GALNT13: variants seen among roughly 807,000 people sequenced by gnomAD.
The protein encoded by GALNT13 is polypeptide N-acetylgalactosaminyltransferase 13.
A neutral mutation model predicts 64.2 loss-of-function variants in GALNT13; 28 were observed. The observed-to-expected ratio is 0.44, with a 90% CI of 0.32 to 0.60. The LOEUF (loss-of-function observed/expected upper bound fraction) is 0.60. Among genes scored for constraint, GALNT13 ranks in the 20% least tolerant of loss-of-function variants. The pLI is 0.05. For synonymous variants in GALNT13, 214 were observed against 224.6 expected (o/e 0.95, Z 0.42); for missense variants, 577 against 669.8 (o/e 0.86, Z 1.53).
chr2:153,722,423 C>G, the GALNT13 span, among the ~76,000 whole-genome samples: 2 of 141,662 alleles, frequency 1.4e-5, no homozygotes, highest in African/African-American at 5.8e-5. Context: ...CAAACACATT[C>G]AAAAGCTAGC....
At chr2:154,219,835 C>G (rs570966850) in intron 4 of GALNT13, among the ~76,000 whole-genome samples, 1 of 152,196 alleles carries the variant, frequency 6.6e-6, no homozygotes, top group South Asian at 2.1e-4. Flanking sequence ...TTATGATTTG[C>G]AGAAGCTTTA....
the GALNT13 span, among the ~76,000 whole-genome samples, chr2:153,428,024 T>C: frequency 1.2e-4 from 18 of 152,314 alleles, no homozygotes; most frequent in East Asian, 3.5e-3. Flanking sequence ...AAGATGATTT[T>C]TGGAATTATC....
At chr2:154,181,119 A>G (rs559267386) in intron 4 of GALNT13, among the ~76,000 whole-genome samples, 3 of 152,254 alleles carry the variant, frequency 2.0e-5, no homozygotes, top group Admixed American at 6.5e-5. Flanking sequence ...CCTAGAACCA[A>G]TTTCCCATTG....
chr2:153,237,627 C>T, the GALNT13 span, among the ~76,000 whole-genome samples: 1 of 151,952 alleles, frequency 6.6e-6, no homozygotes, highest in Non-Finnish European at 1.5e-5. Flanking sequence ...ATGACCTCCA[C>T]TTCCATCCAT....
intron 3 of GALNT13, among the ~76,000 whole-genome samples, chr2:154,002,746 G>A (rs558949421): frequency 6.6e-6 from 1 of 152,186 alleles, no homozygotes; most frequent in South Asian, 2.1e-4. Context: ...TGCTGAAATA[G>A]CCACCTCTTC....
chr2:153,365,720 C>T, the GALNT13 span, among the ~76,000 whole-genome samples: 1 of 152,026 alleles, frequency 6.6e-6, no homozygotes, highest in South Asian at 2.1e-4. Flanking sequence ...GTCAGAATGG[C>T]AATTATTAAA....
the GALNT13 span, among the ~76,000 whole-genome samples, chr2:153,543,974 G>A: frequency 6.6e-6 from 1 of 152,122 alleles, no homozygotes; most frequent in Non-Finnish European, 1.5e-5. Context: ...GGCTGCAGCA[G>A]TGCTCCTACC....
the GALNT13 span, among the ~76,000 whole-genome samples, chr2:153,808,606 C>T: frequency 1.3e-5 from 2 of 152,102 alleles, no homozygotes; most frequent in African/African-American, 2.4e-5. Flanking sequence ...TAATACTTAG[C>T]TTCTCAGAAA....
intron 1 of GALNT13, among the ~76,000 whole-genome samples, chr2:153,878,348 G>T (rs2105229863): frequency 6.6e-6 from 1 of 152,178 alleles, no homozygotes; most frequent in South Asian, 2.1e-4. Flanking sequence ...GTGCTTGGAT[G>T]CCCATCTTAC....
the GALNT13 span, among the ~76,000 whole-genome samples, chr2:153,365,823 A>T: frequency 6.6e-6 from 1 of 152,188 alleles, no homozygotes; most frequent in East Asian, 1.9e-4. Flanking sequence ...CCATTGTGGA[A>T]GACAGTGTGG....
the GALNT13 span, among the ~76,000 whole-genome samples, chr2:153,580,576 C>T: frequency 6.6e-6 from 1 of 151,922 alleles, no homozygotes; most frequent in East Asian, 1.9e-4. Context: ...GGAGAGAGGA[C>T]AGAAGAGAAT....
At chr2:153,437,274 G>C in the GALNT13 span, among the ~76,000 whole-genome samples, 2 of 152,110 alleles carry the variant, frequency 1.3e-5, no homozygotes, top group African/African-American at 4.8e-5. Context: ...AATAGGTGTG[G>C]TGTGGTGCTG....
the GALNT13 span, among the ~76,000 whole-genome samples, chr2:153,183,256 T>G: frequency 1.3e-5 from 2 of 152,246 alleles, no homozygotes; most frequent in Non-Finnish European, 2.9e-5. Flanking sequence ...GTCATATGTT[T>G]GTTAACCACG....
the GALNT13 span, among the ~76,000 whole-genome samples, chr2:153,663,079 GA>G: frequency 3.9e-5 from 6 of 152,162 alleles, no homozygotes; most frequent in African/African-American, 1.2e-4. Flanking sequence ...ATGGGAAGAA[GA>G]AACTCCTTTG....
the GALNT13 span, among the ~76,000 whole-genome samples, chr2:153,245,734 CTCT>C: frequency 0.022 from 3,328 of 152,124 alleles, 127 homozygotes; most frequent in African/African-American, 0.076. Context: ...ACCAGAATGC[CTCT>C]TCTTCTTCAA....
chr2:153,518,629 G>C, the GALNT13 span, among the ~76,000 whole-genome samples: 1 of 152,084 alleles, frequency 6.6e-6, no homozygotes, highest in African/African-American at 2.4e-5. Context: ...CTTAGTATTG[G>C]AGAAAGATTA....
chr2:153,505,956 C>T, the GALNT13 span, among the ~76,000 whole-genome samples: 3 of 152,062 alleles, frequency 2.0e-5, no homozygotes, highest in Admixed American at 6.5e-5. Context: ...TTGAAGTCTC[C>T]CACTATTATT....
chr2:153,930,105 T>C (rs1690414797), intron 2 of GALNT13, among the ~76,000 whole-genome samples: 1 of 152,160 alleles, frequency 6.6e-6, no homozygotes, highest in South Asian at 2.1e-4. Context: ...GTGACGTTTA[T>C]CGTTTTTCCT....
chr2:154,199,629 G>T (rs1687065719), intron 4 of GALNT13, among the ~76,000 whole-genome samples: 2 of 151,940 alleles, frequency 1.3e-5, no homozygotes, highest in African/African-American at 2.4e-5. Flanking sequence ...TGTCTCAGTG[G>T]AGTAATTATT....
Sources: allele counts gnomAD v4.1 joint callset (sites outside exome capture counted in the v4.1 genomes callset), GRCh38; gene constraint gnomAD v4.1.1; transcripts MANE v1.5; gene names NCBI Gene and HGNC (gene_info 2026-07-23, HGNC 2026-07-21).